RGS6: variants seen among roughly 807,000 people sequenced by gnomAD.
RGS6 encodes regulator of G protein signaling 6.
A neutral mutation model predicts 78.5 loss-of-function variants in RGS6; 30 were observed. That is an observed-to-expected ratio of 0.38 (90% CI 0.29 to 0.52). RGS6 has a LOEUF of 0.52. Among genes scored for constraint, RGS6 ranks in the 20% least tolerant of loss-of-function variants. RGS6 has a pLI of 0.85. For missense variants in RGS6, 495 were observed against 609.7 expected, an observed-to-expected ratio of 0.81 and a Z score of 1.98; for synonymous variants, 206 against 206.0, an observed-to-expected ratio of 1.00 and a Z score of 0.00.
intron 2 of RGS6, among the ~76,000 whole-genome samples, chr14:72,262,444 G>T (rs1247896300): frequency 1.3e-5 from 2 of 152,128 alleles, no homozygotes; most frequent in Non-Finnish European, 2.9e-5. Flanking sequence ...GCTGTCTGGC[G>T]TCTCTTCCTC....
chr14:72,458,154 GTATCATCAACACAGACA>G, intron 4 of RGS6, 100 bp from the exon 5 acceptor site: 1 of 743,036 alleles, frequency 1.3e-6, no homozygotes, highest in Non-Finnish European at 2.2e-6. Flanking sequence ...AAGGGCAATT[GTATCATCAACACAGACA>G]TCTGGGGGTG....
At position 72,074,089 on chromosome 14, in the gene RGS6, A is replaced by AT. The variant is rs1335131873; in HGVS notation, c.84+109216dup. ...TGTTTGTTTCCAAAAGACTGCAGAA[A>AT]TTAAATCAAGATATTTGCAGAGGAA... On this transcript the variant is annotated intron_variant, in intron 2 of 17. Coordinates refer to ENST00000553525, the MANE Select transcript of RGS6 (RefSeq NM_001204424.2). 3.9e-5 allele frequency among the ~76,000 whole-genome samples: 6 copies of AT among 152,252 alleles called. 1 individual carries two copies. In the South Asian group the frequency reaches 6.2e-4, roughly 16 times the overall value.
rs149401716 is a variant in RGS6 at position 72,442,469 on chromosome 14, C to T, written c.185-12059C>T. On this transcript the variant is annotated intron_variant, in intron 3 of 17. Transcript: ENST00000553525. The stretch of plus-strand genomic sequence containing the variant: ...AGAATTACTCCCCTGTCTGTGTCCC[C>T]ATAGCACCCCACAAATAGTTCAATC... 4.0e-3 allele frequency among the ~76,000 whole-genome samples: 616 copies of T among 152,250 alleles called. 3 individuals carry two copies. The highest frequency in any genetic ancestry group is 0.014 in the African/African-American group (582 of 41,538).
intron 3 of RGS6, among the ~76,000 whole-genome samples, chr14:72,434,888 C>G (rs1471731622): frequency 1.3e-5 from 2 of 152,232 alleles, no homozygotes; most frequent in African/African-American, 4.8e-5. Flanking sequence ...ATCTCTGTGT[C>G]AGTCCTCACA....
chr14:72,125,778 C>G (rs977488387), intron 2 of RGS6, among the ~76,000 whole-genome samples: 1 of 152,110 alleles, frequency 6.6e-6, no homozygotes, highest in South Asian at 2.1e-4. Flanking sequence ...TTAGCATGAT[C>G]TGAGGGTGGA....
intron 3 of RGS6, among the ~76,000 whole-genome samples, chr14:72,444,415 C>T (rs934549254): frequency 9.2e-5 from 14 of 152,086 alleles, no homozygotes; most frequent in South Asian, 4.1e-4. Flanking sequence ...TGGCCAAGGG[C>T]TTCCCCGCAG....
chr14:72,061,717 TAA>T (rs1250693283), intron 2 of RGS6, among the ~76,000 whole-genome samples: 2 of 152,224 alleles, frequency 1.3e-5, no homozygotes, highest in Non-Finnish European at 1.5e-5. Context: ...CTTTTTATAT[TAA>T]AAATCTGCAT....
At chr14:72,175,382 T>C (rs191139322) in intron 2 of RGS6, among the ~76,000 whole-genome samples, 30 of 152,316 alleles carry the variant, frequency 2.0e-4, no homozygotes, top group Admixed American at 1.8e-3. Context: ...CCTGTACCAA[T>C]AATCAACTTT....
intron 2 of RGS6, among the ~76,000 whole-genome samples, chr14:71,996,068 A>G (rs1411372820): frequency 6.6e-6 from 1 of 152,014 alleles, no homozygotes; most frequent in African/African-American, 2.4e-5. Context: ...TTGAGCATGC[A>G]GGTGTATATC....
At chr14:72,243,339 A>G (rs938635624) in intron 2 of RGS6, among the ~76,000 whole-genome samples, 4 of 27,822 alleles carry the variant, frequency 1.4e-4, no homozygotes, top group Non-Finnish European at 3.0e-4. Context: ...CTTGAATCTC[A>G]GTTCCTTGAA....
At chr14:72,060,451 C>T (rs1346569016) in intron 2 of RGS6, among the ~76,000 whole-genome samples, 1 of 145,078 alleles carries the variant, frequency 6.9e-6, no homozygotes, top group Non-Finnish European at 1.5e-5. Context: ...GATATTCTAT[C>T]TGCCATGTCT....
chr14:72,308,104 C>G (rs1368115301), intron 2 of RGS6, among the ~76,000 whole-genome samples: 1 of 152,174 alleles, frequency 6.6e-6, no homozygotes, highest in African/African-American at 2.4e-5. Flanking sequence ...GTGATATCAT[C>G]TTTAAATATG....
At chr14:72,131,639 A>C (rs2096319337) in intron 2 of RGS6, among the ~76,000 whole-genome samples, 1 of 152,192 alleles carries the variant, frequency 6.6e-6, no homozygotes, top group South Asian at 2.1e-4. Flanking sequence ...GCAACAACCA[A>C]CTAACTGTGC....
At chr14:72,348,431 A>G (rs1313419312) in intron 2 of RGS6, among the ~76,000 whole-genome samples, 1 of 152,198 alleles carries the variant, frequency 6.6e-6, no homozygotes, top group Non-Finnish European at 1.5e-5. Flanking sequence ...CATGAAATAG[A>G]TGTTCTGAAA....
At chr14:72,191,826 A>G (rs1431684607) in intron 2 of RGS6, among the ~76,000 whole-genome samples, 2 of 152,178 alleles carry the variant, frequency 1.3e-5, no homozygotes, top group African/African-American at 4.8e-5. Flanking sequence ...CCGGGCCTTT[A>G]TATGGGTTGT....
chr14:72,240,889 T>TG (rs1329447360), intron 2 of RGS6, among the ~76,000 whole-genome samples: 2 of 152,116 alleles, frequency 1.3e-5, no homozygotes, highest in African/African-American at 4.8e-5. Flanking sequence ...CCAGGCGCGG[T>TG]GGCTCACCCC....
the RGS6 span, among the ~76,000 whole-genome samples, chr14:72,578,065 C>T: frequency 6.6e-6 from 1 of 152,190 alleles, no homozygotes; most frequent in South Asian, 2.1e-4. Context: ...AATGAACTGA[C>T]CTTCCCTGAT....
chr14:72,436,678 A>G (rs1361316688), intron 3 of RGS6, among the ~76,000 whole-genome samples: 5 of 152,224 alleles, frequency 3.3e-5, no homozygotes. Context: ...AACAACCTGA[A>G]ATAGCAAATA....
intron 2 of RGS6, among the ~76,000 whole-genome samples, chr14:72,281,782 G>C (rs901529266): frequency 6.6e-6 from 1 of 152,180 alleles, no homozygotes; most frequent in East Asian, 1.9e-4. Flanking sequence ...ATGAAGATCA[G>C]AGTGGCTGGA....
Sources: allele counts gnomAD v4.1 joint callset (sites outside exome capture counted in the v4.1 genomes callset), GRCh38; gene constraint gnomAD v4.1.1; transcripts MANE v1.5; gene names NCBI Gene and HGNC (gene_info 2026-07-23, HGNC 2026-07-21).